Variants in MTRES1 observed in about 807,000 individuals in gnomAD.
MTRES1 encodes mitochondrial transcription rescue factor 1.
In MTRES1, 11 loss-of-function variants were observed where a neutral mutation model predicts 17.4. The ratio of observed to expected loss-of-function variants is 0.63; its 90% CI spans 0.40 to 1.05. MTRES1 has a LOEUF of 1.05. MTRES1 is among the 50% of genes least tolerant of loss of function. The pLI is 0.00. For missense variants in MTRES1, 268 were observed against 276.2 expected, an observed-to-expected ratio of 0.97 and a Z score of 0.21; for synonymous variants, 94 against 99.6, an observed-to-expected ratio of 0.94 and a Z score of 0.34.
chr6:107,035,614 T>C (rs975913004), intron 1 of MTRES1, among the ~76,000 whole-genome samples: 12 of 152,140 alleles, frequency 7.9e-5, no homozygotes, highest in African/African-American at 2.7e-4. Context: ...TGCCAAAATC[T>C]TACAGTGGTT....
intron 2 of MTRES1, among the ~76,000 whole-genome samples, chr6:107,042,932 A>G (rs1407614519): frequency 6.6e-6 from 1 of 152,134 alleles, no homozygotes; most frequent in Non-Finnish European, 1.5e-5. Flanking sequence ...TTCAACATCT[A>G]TTTAGAAATG....
intron 1 of MTRES1, among the ~76,000 whole-genome samples, chr6:107,032,099 T>C (rs1359376980): frequency 2.0e-5 from 3 of 152,184 alleles, no homozygotes; most frequent in Non-Finnish European, 2.9e-5. Context: ...GTTAGACAAC[T>C]GTTTTGAGAA....
chr6:107,049,391 G>A (rs1415108463), intron 3 of MTRES1, among the ~76,000 whole-genome samples: 1 of 150,924 alleles, frequency 6.6e-6, no homozygotes, highest in Non-Finnish European at 1.5e-5. Context: ...TGTGGCTCCT[G>A]GGTCTGTATG....
chr6:107,038,724 T>C (rs1774088455), intron 1 of MTRES1, among the ~76,000 whole-genome samples: 1 of 152,198 alleles, frequency 6.6e-6, no homozygotes, highest in African/African-American at 2.4e-5. Context: ...ATGTAATGTA[T>C]GTCAGTCAAC....
At chr6:107,048,382 AGC>A (rs1554228681) in intron 3 of MTRES1, among the ~76,000 whole-genome samples, 2 of 151,762 alleles carry the variant, frequency 1.3e-5, no homozygotes, top group Non-Finnish European at 2.9e-5. Context: ...ATCCACCCTC[AGC>A]CTCCCAAAGT....
chr6:107,043,856 C>T (rs1015400467), intron 2 of MTRES1, among the ~76,000 whole-genome samples: 4 of 152,156 alleles, frequency 2.6e-5, no homozygotes, highest in Admixed American at 6.5e-5. Flanking sequence ...AGGCCGGACG[C>T]GGTGGTTCAC....
chr6:107,051,287 T>A lies in MTRES1; in HGVS notation c.*51T>A, dbSNP rs782675599. The A allele has an allele frequency of 7.0e-7, 1 of 1,432,548 alleles. No individual in the cohort carries two copies. The allele number at this position is 1,432,548 out of a possible 1,614,324, so 88.7% of individuals were successfully genotyped here. ...TGCTTTCTAGTGGTAAAGGAAGGGG[T>A]CACCTGAAAAATAGGACATTTTTAT... On this transcript the variant is annotated 3_prime_UTR_variant, in exon 4 of 4. Coordinates refer to ENST00000311381, the MANE Select transcript of MTRES1 (RefSeq NM_016487.5).
At chr6:107,041,816 C>G (rs537605344) in intron 2 of MTRES1, among the ~76,000 whole-genome samples, 1 of 152,022 alleles carries the variant, frequency 6.6e-6, no homozygotes, top group African/African-American at 2.4e-5. Flanking sequence ...CGTGAGCCAC[C>G]GCGCCTGGCG....
chr6:107,041,191 C>T (rs1164192494), intron 2 of MTRES1, among the ~76,000 whole-genome samples: 2 of 149,362 alleles, frequency 1.3e-5, no homozygotes, highest in Admixed American at 6.7e-5. Context: ...CGCCATTGCA[C>T]TCCAGCCTGG....
intron 1 of MTRES1, among the ~76,000 whole-genome samples, chr6:107,034,576 G>T (rs1773947067): frequency 6.6e-6 from 1 of 152,210 alleles, no homozygotes; most frequent in African/African-American, 2.4e-5. Context: ...CAGCTCGGAT[G>T]CCTAGATTTG....
chr6:107,043,678 G>A (rs1443844890), intron 2 of MTRES1, among the ~76,000 whole-genome samples: 1 of 152,170 alleles, frequency 6.6e-6, no homozygotes, highest in East Asian at 1.9e-4. Context: ...GGAAGAGGAG[G>A]AAGAGGAGGC....
intron 1 of MTRES1, among the ~76,000 whole-genome samples, chr6:107,036,613 G>A (rs6920780): frequency 0.093 from 14,081 of 152,106 alleles, 896 homozygotes; most frequent in Non-Finnish European, 0.14. Flanking sequence ...GGAGGCCGAC[G>A]CAGGCAGATC....
At chr6:107,036,560 C>T (rs1280318478) in intron 1 of MTRES1, among the ~76,000 whole-genome samples, 1 of 151,602 alleles carries the variant, frequency 6.6e-6, no homozygotes, top group African/African-American at 2.4e-5. Flanking sequence ...TTGTTTAATT[C>T]TGGCTGGGTG....
intron 3 of MTRES1, among the ~76,000 whole-genome samples, chr6:107,049,868 T>G (rs1210867947): frequency 2.6e-5 from 4 of 151,850 alleles, no homozygotes; most frequent in African/African-American, 9.7e-5. Context: ...ATTACAGGTG[T>G]GTGCCACCAT....
intron 1 of MTRES1, among the ~76,000 whole-genome samples, chr6:107,037,308 G>C (rs1774044909): frequency 6.6e-6 from 1 of 152,006 alleles, no homozygotes. Flanking sequence ...GACCTCAAGT[G>C]ATCTGCCCGC....
At chr6:107,045,889 G>A (rs1475917506) in intron 3 of MTRES1, among the ~76,000 whole-genome samples, 1 of 152,164 alleles carries the variant, frequency 6.6e-6, no homozygotes, top group Non-Finnish European at 1.5e-5. Context: ...TGGAGGATCC[G>A]AACTACATCC....
intron 2 of MTRES1, among the ~76,000 whole-genome samples, chr6:107,042,644 C>T (rs1554227910): frequency 6.6e-6 from 1 of 152,192 alleles, no homozygotes; most frequent in Admixed American, 6.6e-5. Context: ...TCCCCAGCCT[C>T]AGTACAAACT....
intron 1 of MTRES1, among the ~76,000 whole-genome samples, chr6:107,035,335 G>C (rs1194743863): frequency 6.6e-6 from 1 of 151,896 alleles, no homozygotes; most frequent in Non-Finnish European, 1.5e-5. Flanking sequence ...GTTTCTCCAT[G>C]TTAGGCTGGT....
intron 1 of MTRES1, chr6:107,028,683 T>TTC (rs1352755144): frequency 2.0e-5 from 3 of 153,330 alleles, no homozygotes; most frequent in Non-Finnish European, 4.3e-5. Context: ...TTAGACCAGT[T>TTC]TCTCCATCTT....
Sources: allele counts gnomAD v4.1 joint callset (sites outside exome capture counted in the v4.1 genomes callset), GRCh38; gene constraint gnomAD v4.1.1; transcripts MANE v1.5; gene names NCBI Gene and HGNC (gene_info 2026-07-23, HGNC 2026-07-21).